The following KCNH5 variants were observed in gnomAD, a reference collection of about 807,000 sequenced individuals.
KCNH5 encodes voltage-gated delayed rectifier potassium channel KCNH5.
Under a neutral mutation model 96.1 loss-of-function variants are expected in KCNH5, and 46 were observed. That is an observed-to-expected ratio of 0.48 (90% confidence interval 0.38 to 0.61). KCNH5 has a LOEUF of 0.61. Among genes scored for constraint, KCNH5 ranks in the 20% least tolerant of loss-of-function variants. KCNH5 has a pLI of 0.00. For missense variants in KCNH5, 907 were observed against 1,225.8 expected (o/e 0.74, Z 3.88); for synonymous variants, 439 against 449.8 (o/e 0.98, Z 0.30).
At position 62,964,175 on chromosome 14, in the gene KCNH5, T is replaced by C. The variant is rs116496873; in HGVS notation, c.943-13616A>G. Among the ~76,000 whole-genome samples, 150 of 152,214 alleles carry C rather than the reference T, an allele frequency of 9.9e-4. 2 individuals carry two copies. Among genetic ancestry groups the C allele is most frequent in the Middle Eastern group, 3.4e-3 (1 of 294 alleles). On this transcript the variant is annotated intron_variant, in intron 6 of 10. Transcript: ENST00000322893. ...CTAATATTAGAAATTGGCTCTGCCTTGGGCCAAGTTCCCCAGAGCAATCTT... is the reference window on the plus strand; with the variant it reads ...CTAATATTAGAAATTGGCTCTGCCTCGGGCCAAGTTCCCCAGAGCAATCTT...
intron 8 of KCNH5, among the ~76,000 whole-genome samples, chr14:62,811,088 G>GA (rs1385400881): frequency 1.3e-5 from 2 of 152,012 alleles, no homozygotes; most frequent in Non-Finnish European, 2.9e-5. Context: ...AAAAAAAAAT[G>GA]AATGTCATGG....
intron 8 of KCNH5, among the ~76,000 whole-genome samples, chr14:62,842,403 T>C (rs1197784653): frequency 1.3e-5 from 2 of 151,930 alleles, no homozygotes; most frequent in Non-Finnish European, 2.9e-5. Context: ...AAAATGTCAA[T>C]AATAATTCTG....
chr14:62,738,644 C>A (rs2139932209), intron 10 of KCNH5, among the ~76,000 whole-genome samples: 1 of 152,170 alleles, frequency 6.6e-6, no homozygotes, highest in Admixed American at 6.6e-5. Flanking sequence ...GCTATCAGAT[C>A]CTACAATCAT....
At chr14:63,038,857 G>A (rs1891771563) in intron 1 of KCNH5, among the ~76,000 whole-genome samples, 1 of 151,866 alleles carries the variant, frequency 6.6e-6, no homozygotes, top group Non-Finnish European at 1.5e-5. Context: ...TGATGAAAAG[G>A]ACTCATGTCA....
rs542606497 is a variant in KCNH5 at position 62,725,558 on chromosome 14, C to T, written c.2020-17103G>A. Among the ~76,000 whole-genome samples, 255 of 152,212 alleles carry T rather than the reference C, an allele frequency of 1.7e-3. 2 individuals carry two copies. The highest frequency in any genetic ancestry group is 6.0e-3 in the African/African-American group (250 of 41,528). ...AAGAATGGGAAAGTATGAGAGTTCA[C>T]AGTCAATTGATGATATCAGAGTGGA... On this transcript the variant is annotated intron_variant, in intron 10 of 10. Coordinates refer to ENST00000322893, the MANE Select transcript of KCNH5 (RefSeq NM_139318.5).
intron 8 of KCNH5, among the ~76,000 whole-genome samples, chr14:62,814,741 C>A (rs1886939932): frequency 7.4e-6 from 1 of 135,320 alleles, no homozygotes; most frequent in Non-Finnish European, 1.5e-5. Context: ...CAAGTTCACA[C>A]CACTGCACTC....
At chr14:62,750,065 A>C (rs902708277) in intron 10 of KCNH5, among the ~76,000 whole-genome samples, 1 of 152,148 alleles carries the variant, frequency 6.6e-6, no homozygotes, top group African/African-American at 2.4e-5. Flanking sequence ...ATAAATATGT[A>C]AATATTTTAC....
intron 7 of KCNH5, among the ~76,000 whole-genome samples, chr14:62,948,961 CT>C (rs1462035830): frequency 6.6e-6 from 1 of 150,404 alleles, no homozygotes; most frequent in Admixed American, 6.6e-5. Flanking sequence ...ATTCAACAAC[CT>C]TTCATGCTAA....
intron 6 of KCNH5, 129 bp downstream of exon 6, chr14:62,980,743 G>T: frequency 2.2e-6 from 2 of 898,540 alleles, no homozygotes; most frequent in Non-Finnish European, 3.3e-6. Flanking sequence ...AATAACTTTT[G>T]GCAAGGGTTT....
intron 6 of KCNH5, among the ~76,000 whole-genome samples, chr14:62,977,903 A>C (rs10450921): frequency 0.23 from 35,272 of 152,150 alleles, 4,246 homozygotes; most frequent in Non-Finnish European, 0.26. Context: ...AGAGGGAAGG[A>C]AGACTCAGGT....
chr14:62,895,214 T>C (rs1380674203), intron 7 of KCNH5, among the ~76,000 whole-genome samples: 2 of 152,216 alleles, frequency 1.3e-5, no homozygotes, highest in African/African-American at 4.8e-5. Context: ...TTAATTTTTT[T>C]ATGCACCTAG....
At chr14:62,832,707 T>C (rs1302428250) in intron 8 of KCNH5, among the ~76,000 whole-genome samples, 1 of 152,146 alleles carries the variant, frequency 6.6e-6, no homozygotes, top group East Asian at 1.9e-4. Flanking sequence ...AGCTATATCA[T>C]TTTTACATTC....
Position 63,008,178 on chromosome 14 carries a change from A to C in KCNH5, c.198-1706T>G, listed in dbSNP as rs561383018. ...CAGTTTTCAAAGAGTTCACATATTT[A>C]CTAGAGGCAGATCCAAAGTGTGGTG... On this transcript the variant is annotated intron_variant, in intron 2 of 10. Coordinates refer to ENST00000322893, the MANE Select transcript of KCNH5 (RefSeq NM_139318.5). Among the ~76,000 whole-genome samples the C allele has an allele frequency of 2.0e-5, 3 of 152,278 alleles. No homozygotes were observed. The East Asian group carries it at 5.8e-4, about 29-fold the overall frequency.
chr14:62,998,763 T>C (rs1477105181), intron 4 of KCNH5, among the ~76,000 whole-genome samples: 2 of 152,190 alleles, frequency 1.3e-5, no homozygotes, highest in East Asian at 1.9e-4. Context: ...TCCAGATATC[T>C]TTCTATTACT....
intron 1 of KCNH5, among the ~76,000 whole-genome samples, chr14:63,019,545 G>A (rs1361136234): frequency 2.6e-5 from 4 of 151,854 alleles, no homozygotes; most frequent in Non-Finnish European, 5.9e-5. Flanking sequence ...CACATACAAC[G>A]TCAACAGCTT....
intron 8 of KCNH5, among the ~76,000 whole-genome samples, chr14:62,828,987 G>T (rs139418118): frequency 6.6e-6 from 1 of 152,140 alleles, no homozygotes; most frequent in African/African-American, 2.4e-5. Flanking sequence ...AGGGAGAAAT[G>T]GGTCAAAACA....
At chr14:62,825,032 T>C (rs1231060501) in intron 8 of KCNH5, among the ~76,000 whole-genome samples, 2 of 152,108 alleles carry the variant, frequency 1.3e-5, no homozygotes, top group African/African-American at 4.8e-5. Flanking sequence ...GTTGATCCCA[T>C]GTCTTTGCTA....
At chr14:62,840,566 CTTTTTTTTTTT>C (rs71120238) in intron 8 of KCNH5, among the ~76,000 whole-genome samples, 4 of 76,392 alleles carry the variant, frequency 5.2e-5, no homozygotes, top group African/African-American at 2.3e-4. Flanking sequence ...TCTTTTTTTT[CTTTTTTTTTTT>C]TTTTTTTTTT....
At chr14:62,798,161 C>T (rs535112219) in intron 9 of KCNH5, among the ~76,000 whole-genome samples, 1 of 152,144 alleles carries the variant, frequency 6.6e-6, no homozygotes, top group Non-Finnish European at 1.5e-5. Context: ...ATTTTCAACC[C>T]CTCCATCCAA....
Sources: gnomAD v4.1 joint callset for allele counts (sites outside exome capture counted in the v4.1 genomes callset) on GRCh38, gnomAD v4.1.1 for gene constraint, MANE v1.5 for transcripts, NCBI Gene and HGNC (gene_info 2026-07-23, HGNC 2026-07-21) for gene names.